NICOL1: variants seen among roughly 807,000 people sequenced by gnomAD.
NICOL1 encodes the protein NELL2 interacting cell ontogeny regulator 1.
At chr4:2,041,908 T>C in the NICOL1 span, 1 of 1,350,502 alleles carries the variant, frequency 7.4e-7, no homozygotes, top group Non-Finnish European at 9.6e-7. Flanking sequence ...GCGTCCTAGG[T>C]TCCTCTAAAC....
chr4:2,041,978 G>C, the NICOL1 span: 19 of 1,453,782 alleles, frequency 1.3e-5, no homozygotes, highest in Admixed American at 5.4e-4. Flanking sequence ...AACCCGGGCG[G>C]GGTCGGGTCG....
the NICOL1 span, chr4:2,042,958 C>G: frequency 1.7e-6 from 1 of 588,042 alleles, no homozygotes; most frequent in East Asian, 3.5e-5. Flanking sequence ...CGCACCTTGC[C>G]CCCTTCCTCT....
chr4:2,039,717 G>C, the NICOL1 span, among the ~76,000 whole-genome samples: 1 of 152,190 alleles, frequency 6.6e-6, no homozygotes, highest in South Asian at 2.1e-4. Context: ...GCACGCACCT[G>C]TAGTCCCAGC....
chr4:2,039,009 C>T, the NICOL1 span, among the ~76,000 whole-genome samples: 125 of 152,048 alleles, frequency 8.2e-4, 3 homozygotes, highest in Non-Finnish European at 2.1e-4. Flanking sequence ...ATTAAATAAG[C>T]GAAATGTGTG....
At chr4:2,038,891 T>G in the NICOL1 span, among the ~76,000 whole-genome samples, 1 of 152,204 alleles carries the variant, frequency 6.6e-6, no homozygotes, top group East Asian at 1.9e-4. Context: ...AATGTTTGCC[T>G]GGATTAGGGT....
chr4:2,037,999 T>C, the NICOL1 span, among the ~76,000 whole-genome samples: 1 of 151,570 alleles, frequency 6.6e-6, no homozygotes, highest in Non-Finnish European at 1.5e-5. Context: ...TTTTCTAGGA[T>C]GCTATTTTTG....
chr4:2,042,776 G>C, the NICOL1 span: 1 of 1,518,692 alleles, frequency 6.6e-7, no homozygotes, highest in Non-Finnish European at 8.8e-7. Flanking sequence ...AGTTCATGCA[G>C]CGCGCCCTGC....
At chr4:2,043,743 G>A in the NICOL1 span, 8 of 768,220 alleles carry the variant, frequency 1.0e-5, no homozygotes, top group Non-Finnish European at 1.7e-5. Context: ...TAGAGCCAGG[G>A]CCTGACCTTG....
chr4:2,038,237 G>GTGTGTATATATATATATATATA, the NICOL1 span, among the ~76,000 whole-genome samples: 1 of 91,454 alleles, frequency 1.1e-5, no homozygotes, highest in African/African-American at 3.6e-5. Flanking sequence ...TGATCAGTGT[G>GTGTGTATATATATATATATATA]TATATATATA....
the NICOL1 span, among the ~76,000 whole-genome samples, chr4:2,040,668 C>A: frequency 6.6e-6 from 1 of 152,206 alleles, no homozygotes; most frequent in Non-Finnish European, 1.5e-5. Flanking sequence ...AGGGCCGCTG[C>A]CTCCCCAGGC....
At chr4:2,042,693 A>AC in the NICOL1 span, 55 of 1,184,636 alleles carry the variant, frequency 4.6e-5, no homozygotes, top group South Asian at 1.5e-4. Flanking sequence ...CTTGCGGGTG[A>AC]CCCCCCCTGC....
the NICOL1 span, chr4:2,042,821 G>T: frequency 2.7e-6 from 4 of 1,487,676 alleles, no homozygotes; most frequent in Non-Finnish European, 3.6e-6. Flanking sequence ...GCCTGGACGC[G>T]CGGGTGAGCG....
the NICOL1 span, among the ~76,000 whole-genome samples, chr4:2,038,350 C>T: frequency 1.3e-4 from 19 of 148,756 alleles, no homozygotes; most frequent in South Asian, 1.5e-3. Context: ...TGCAGTGGCA[C>T]GACCATGACT....
the NICOL1 span, chr4:2,042,120 C>T: frequency 1.4e-6 from 2 of 1,475,674 alleles, no homozygotes; most frequent in East Asian, 2.9e-5. Context: ...ATACGGGGCG[C>T]GGACTAGAGG....
chr4:2,042,698 C>CCTGCGCCCCCT, the NICOL1 span: 1 of 1,263,894 alleles, frequency 7.9e-7, no homozygotes, highest in Admixed American at 2.4e-5. Flanking sequence ...GGGTGACCCC[C>CCTGCGCCCCCT]CCTGCGCCCC....
chr4:2,037,249 C>A, the NICOL1 span, among the ~76,000 whole-genome samples: 2 of 152,274 alleles, frequency 1.3e-5, no homozygotes, highest in Non-Finnish European at 2.9e-5. Context: ...TCAAGGAAAC[C>A]CTTTCTTCAT....
the NICOL1 span, chr4:2,041,845 C>T: frequency 2.5e-6 from 2 of 805,620 alleles, no homozygotes; most frequent in African/African-American, 1.8e-5. Context: ...TGGGCCTGGA[C>T]GCTGCTCCCG....
the NICOL1 span, chr4:2,042,862 CA>C: frequency 7.1e-7 from 1 of 1,405,530 alleles, no homozygotes; most frequent in Non-Finnish European, 9.4e-7. Flanking sequence ...CCGGGCTTCC[CA>C]GGGGGTGGGG....
At chr4:2,038,450 G>C in the NICOL1 span, among the ~76,000 whole-genome samples, 1 of 151,328 alleles carries the variant, frequency 6.6e-6, no homozygotes, top group Non-Finnish European at 1.5e-5. Context: ...ACCACATTCA[G>C]ATACTTTTTA....
Sources: gnomAD v4.1 joint callset for allele counts (sites outside exome capture counted in the v4.1 genomes callset) on GRCh38, gnomAD v4.1.1 for gene constraint, MANE v1.5 for transcripts, NCBI Gene and HGNC (gene_info 2026-07-23, HGNC 2026-07-21) for gene names.